HELLS: variants seen among roughly 807,000 people sequenced by gnomAD.
The protein encoded by HELLS is lymphoid-specific helicase.
A neutral mutation model predicts 120.0 loss-of-function variants in HELLS; 32 were observed. The observed-to-expected ratio is 0.27, with a 90% CI of 0.20 to 0.36. The LOEUF (loss-of-function observed/expected upper bound fraction) is 0.36. HELLS is among the 10% of genes least tolerant of loss of function. HELLS has a pLI of 1.00. For synonymous variants in HELLS, 341 were observed against 323.4 expected, an observed-to-expected ratio of 1.05 and a Z score of -0.58; for missense variants, 650 against 993.4, an observed-to-expected ratio of 0.65 and a Z score of 4.65.
intron 6 of HELLS, among the ~76,000 whole-genome samples, chr10:94,565,135 G>A (rs1053239439): frequency 2.0e-5 from 3 of 152,122 alleles, no homozygotes; most frequent in Admixed American, 1.3e-4. Flanking sequence ...CCAGGAGTTC[G>A]AAACCTGTCT....
At chr10:94,580,162 T>TATATAC (rs1396139651) in intron 10 of HELLS, among the ~76,000 whole-genome samples, 22 of 47,592 alleles carry the variant, frequency 4.6e-4, no homozygotes, top group Non-Finnish European at 6.9e-4. Context: ...TATATATATA[T>TATATAC]ACACACACAC....
intron 2 of HELLS, among the ~76,000 whole-genome samples, chr10:94,551,231 A>C (rs1288030525): frequency 6.6e-6 from 1 of 152,204 alleles, no homozygotes. Context: ...TACTTTTGTT[A>C]GGTCCATTCT....
chr10:94,593,732 G>A lies in HELLS; in HGVS notation c.2088+117G>A, dbSNP rs181720399. 1,199 of 618,620 alleles carry A rather than the reference G, an allele frequency of 1.9e-3. 5 individuals carry two copies. Among genetic ancestry groups the A allele is most frequent in the Non-Finnish European group, 2.9e-3 (1,009 of 343,012 alleles). 38.3% of individuals were successfully genotyped at this position (618,620 alleles called of 1,614,324 possible). On this transcript the variant is annotated intron_variant, in intron 18 of 21. Coordinates refer to ENST00000348459, the MANE Select transcript of HELLS (RefSeq NM_018063.5). The stretch of plus-strand genomic sequence containing the variant: ...GGCTGGAGTGCAGTGGCACGATCTC[G>A]GCTCACTGCAACCTTCACCTCCTGG...
At chr10:94,603,857 T>G (rs1158802804), downstream of HELLS, among the ~76,000 whole-genome samples, 1 of 151,974 alleles carries the variant, frequency 6.6e-6, no homozygotes, top group Non-Finnish European at 1.5e-5. Context: ...TTTTTGAGTC[T>G]CGCACTGTCG....
intron 17 of HELLS, 75 bp downstream of exon 17, chr10:94,592,589 A>G (rs1278911171): frequency 1.3e-5 from 13 of 973,686 alleles, no homozygotes; most frequent in Admixed American, 3.0e-5. Flanking sequence ...TAATATTCCA[A>G]ATAGACCCAC....
downstream of HELLS, among the ~76,000 whole-genome samples, chr10:94,605,591 T>A (rs1038424725): frequency 1.2e-4 from 19 of 152,024 alleles, no homozygotes; most frequent in African/African-American, 4.6e-4. Context: ...TTTCGAAAGT[T>A]GTTGTGTTGT....
chr10:94,574,368 G>A (rs1380163546), intron 8 of HELLS, 181 bp downstream of exon 8: 1 of 689,548 alleles, frequency 1.5e-6, no homozygotes, highest in Non-Finnish European at 2.4e-6. Context: ...CTTGTTAATG[G>A]CTTCCAGCAC....
intron 3 of HELLS, chr10:94,557,186 T>C (rs528823998): frequency 3.2e-5 from 14 of 431,894 alleles, no homozygotes; most frequent in East Asian, 3.0e-4. Context: ...TAGACTGTTA[T>C]GAAGATTTAA....
intron 7 of HELLS, among the ~76,000 whole-genome samples, chr10:94,573,488 A>T (rs1476825536): frequency 7.3e-6 from 1 of 136,224 alleles, no homozygotes; most frequent in African/African-American, 2.6e-5. Context: ...TTATTTTTTG[A>T]GATGGAGTCT....
In HELLS at chr10:94,545,802, C is replaced by CT. The variant is rs1369058776; in HGVS notation, c.-114dup. ...GATTTTCCCGCGAAGGAGAAGCGCGCTTTTTTCCCTGGCGGGGGATTTGGC... is the reference window on the plus strand; with the variant it reads ...GATTTTCCCGCGAAGGAGAAGCGCGCTTTTTTTCCCTGGCGGGGGATTTGGC... On this transcript the variant is annotated 5_prime_UTR_variant, in exon 1 of 22. Coordinates refer to ENST00000348459, the MANE Select transcript of HELLS (RefSeq NM_018063.5). The CT allele has an allele frequency of 6.7e-6, 8 of 1,195,058 alleles. No homozygotes were observed. Among genetic ancestry groups the CT allele is most frequent in the East Asian group, 5.1e-5 (2 of 39,194 alleles). 74.0% of individuals were successfully genotyped at this position (1,195,058 alleles called of 1,614,324 possible).
chr10:94,587,078 C>T lies in HELLS; in HGVS notation c.1327-1151C>T, dbSNP rs145457625. On this transcript the variant is annotated intron_variant, in intron 12 of 21. Transcript: ENST00000348459. ...AATGCATAATTATTGTCTGTTGCTTCTGTGTTCTCTTTATAAATGTGATAA... is the reference window on the plus strand; with the variant it reads ...AATGCATAATTATTGTCTGTTGCTTTTGTGTTCTCTTTATAAATGTGATAA... Among the ~76,000 whole-genome samples, 244 of 152,194 alleles carry T rather than the reference C, an allele frequency of 1.6e-3. 3 individuals carry two copies. Among genetic ancestry groups the T allele is most frequent in the African/African-American group, 5.6e-3 (232 of 41,528 alleles).
intron 5 of HELLS, 40 bp from the exon 6 acceptor site, chr10:94,562,772 C>G (rs1843620982): frequency 1.3e-6 from 2 of 1,536,732 alleles, no homozygotes; most frequent in Non-Finnish European, 1.8e-6. Context: ...GTTTATATTT[C>G]TATTTTAATT....
At chr10:94,597,925 A>G (rs1233388691) in intron 21 of HELLS, among the ~76,000 whole-genome samples, 1 of 152,058 alleles carries the variant, frequency 6.6e-6, no homozygotes, top group Non-Finnish European at 1.5e-5. Context: ...TTGTTCTGTC[A>G]TTCTTTTATT....
At position 94,600,416 on chromosome 10, in the gene HELLS, G is replaced by C. The variant is rs12256631; in HGVS notation, c.2423-1112G>C. Among the ~76,000 whole-genome samples, 392 of 152,168 alleles carry C rather than the reference G, an allele frequency of 2.6e-3. 1 individual carries two copies. The highest frequency in any genetic ancestry group is 9.1e-3 in the African/African-American group (376 of 41,526). Reference sequence around the variant, plus strand: ...TGAAGCACAAGATATTCTATACCAGGTATAAAGTCTTATTAAAAATTTAAA... The same window carrying C: ...TGAAGCACAAGATATTCTATACCAGCTATAAAGTCTTATTAAAAATTTAAA... On this transcript the variant is annotated intron_variant, in intron 21 of 21. Coordinates refer to ENST00000348459, the MANE Select transcript of HELLS (RefSeq NM_018063.5).
chr10:94,573,793 G>A (rs1270654293), intron 7 of HELLS, among the ~76,000 whole-genome samples, 167 bp from the exon 8 acceptor site: 1 of 151,470 alleles, frequency 6.6e-6, no homozygotes, highest in African/African-American at 2.4e-5. Context: ...CTTTTCATTT[G>A]TAGAGGGATG....
chr10:94,613,876 C>T (rs1292550024), exon 10 of HELLS: 1 of 152,122 alleles, frequency 6.6e-6, no homozygotes, highest in Non-Finnish European at 1.5e-5. Context: ...ATATGTTTTC[C>T]TGTTTAATAA....
intron 10 of HELLS, chr10:94,577,483 A>T (rs954092625): frequency 1.9e-5 from 3 of 158,542 alleles, no homozygotes; most frequent in Non-Finnish European, 4.2e-5. Context: ...ATCAAAACAC[A>T]TAAGTCATAA....
chr10:94,568,929 C>T (rs555014732), intron 6 of HELLS, among the ~76,000 whole-genome samples: 150 of 151,842 alleles, frequency 9.9e-4, no homozygotes, highest in Middle Eastern at 3.4e-3. Flanking sequence ...GCAACATCCG[C>T]CTCTCAGGTT....
chr10:94,562,959 G>T, intron 6 of HELLS, 83 bp downstream of exon 6: 1 of 782,008 alleles, frequency 1.3e-6, no homozygotes, highest in Non-Finnish European at 2.1e-6. Flanking sequence ...TGTAAAGATT[G>T]AATATTCAAT....
Sources: allele counts gnomAD v4.1 joint callset (sites outside exome capture counted in the v4.1 genomes callset), GRCh38; gene constraint gnomAD v4.1.1; transcripts MANE v1.5; gene names NCBI Gene and HGNC (gene_info 2026-07-23, HGNC 2026-07-21).